The following TTC39A variants were observed in gnomAD, a reference collection of about 807,000 sequenced individuals.
TTC39A encodes tetratricopeptide repeat protein 39A.
In TTC39A, 46 loss-of-function variants were observed where a neutral mutation model predicts 82.3. That is an observed-to-expected ratio of 0.56 (90% CI 0.44 to 0.71). The LOEUF is 0.71. Among genes scored for constraint, TTC39A ranks in the 30% least tolerant of loss-of-function variants. The pLI is 0.00. For synonymous variants in TTC39A, 254 were observed against 275.2 expected, an observed-to-expected ratio of 0.92 and a Z score of 0.76; for missense variants, 543 against 712.9, an observed-to-expected ratio of 0.76 and a Z score of 2.71.
chr1:51,343,672 C>G (rs1038799357), intron 1 of TTC39A, among the ~76,000 whole-genome samples: 1 of 152,216 alleles, frequency 6.6e-6, no homozygotes, highest in African/African-American at 2.4e-5. Context: ...CCTGCAGTGC[C>G]TAGTACAGTG....
At chr1:51,344,203 G>A (rs1557753472) in intron 1 of TTC39A, among the ~76,000 whole-genome samples, 1 of 152,194 alleles carries the variant, frequency 6.6e-6, no homozygotes, top group Non-Finnish European at 1.5e-5. Context: ...CAAGTTTGAG[G>A]TGTTCATAGG....
Position 51,303,199 on chromosome 1 carries a change from GGA to G in TTC39A, c.655-9_655-8del. 2 of 1,526,656 alleles carry G rather than the reference GGA, an allele frequency of 1.3e-6. No homozygotes were observed. The highest frequency in any genetic ancestry group is 1.8e-6 in the Non-Finnish European group (2 of 1,122,606). The allele number at this position is 1,526,656 out of a possible 1,614,324, so 94.6% of individuals were successfully genotyped here. A position where few individuals can be genotyped will look rare whatever the true frequency, so the allele number is the denominator to read the frequency against. On this transcript the variant is annotated splice_region_variant and splice_polypyrimidine_tract_variant and intron_variant, in intron 8 of 17. Transcript: ENST00000680483. ...GCTGCAGCAGCCCATAGTCCTGAGG[GGA>G]TGGGAGGGTGGGTGAGGCTCCCAGA...
At chr1:51,335,041 GC>G (rs1645957850), upstream of TTC39A, 1 of 152,280 alleles carries the variant, frequency 6.6e-6, no homozygotes, top group South Asian at 2.1e-4. Flanking sequence ...TGACAGCTGG[GC>G]CCTGGCGATG....
upstream of TTC39A, chr1:51,330,601 G>A (rs1198603002): frequency 1.1e-5 from 11 of 982,994 alleles, no homozygotes; most frequent in African/African-American, 1.8e-5. This position sits in a 1 kb window ranked among gnomAD's most constrained non-coding sequence, Gnocchi z 4.5. Flanking sequence ...GGCGCGCCGG[G>A]GGCGGGGAAG....
In TTC39A at chr1:51,296,067, T is replaced by C. The variant is rs1172181506; in HGVS notation, c.1145+12A>G. The C allele has an allele frequency of 1.1e-5, 17 of 1,568,688 alleles. No homozygotes were observed. The East Asian group carries it at 3.5e-4, about 33-fold the overall frequency. On this transcript the variant is annotated intron_variant, in intron 13 of 17. Transcript: ENST00000680483. ...AGTGGCCTACACAGTGGGAGCACGATGTGGGACCCACCGAAATAATTCCAC... is the reference window on the plus strand; with the variant it reads ...AGTGGCCTACACAGTGGGAGCACGACGTGGGACCCACCGAAATAATTCCAC...
chr1:51,345,070 CGCGGGCG>C, exon 1 of TTC39A: 1 of 1,345,284 alleles, frequency 7.4e-7, no homozygotes, highest in South Asian at 2.1e-5. Context: ...CGGACGGGGC[CGCGGGCG>C]GCCCCTCGCG....
At position 51,294,271 on chromosome 1, in the gene TTC39A, C is replaced by T; in HGVS notation, c.1266+120G>A. 6.7e-7 allele frequency: 1 copy of T among 1,495,718 alleles called. No individual in the cohort carries two copies. Among genetic ancestry groups the T allele is most frequent in the Non-Finnish European group, 9.0e-7 (1 of 1,112,880 alleles). The allele number at this position is 1,495,718 out of a possible 1,614,324, so 92.7% of individuals were successfully genotyped here. ...ACTCCCAGGTGAATTGTGAAACCCT[C>T]CCCAGGCCCCTGAGGCATGAAGGTC... On this transcript the variant is annotated intron_variant, in intron 14 of 17. Transcript: ENST00000680483. The surrounding 1 kb of genome is among the most constrained non-coding windows in gnomAD (Gnocchi z 4.3).
Position 51,321,543 on chromosome 1 carries a change from C to T in TTC39A, c.146+178G>A, listed in dbSNP as rs115859236. On this transcript the variant is annotated intron_variant, in intron 2 of 17. Transcript: ENST00000680483. This position sits in a 1 kb window ranked among gnomAD's most constrained non-coding sequence, Gnocchi z 4.6. ...CAAGTCACAGTGACCTTGGAGAGGGCCTGGCTGCACACAGGCCGTGGAATG... is the reference window on the plus strand; with the variant it reads ...CAAGTCACAGTGACCTTGGAGAGGGTCTGGCTGCACACAGGCCGTGGAATG... Among the ~76,000 whole-genome samples the T allele has an allele frequency of 9.4e-3, 1,435 of 152,328 alleles. 11 individuals are homozygous for T. The highest frequency in any genetic ancestry group is 0.016 in the Non-Finnish European group (1,122 of 68,022).
At position 51,287,311 on chromosome 1, in the gene TTC39A, G is replaced by GTGAA. The variant is rs1202937394; in HGVS notation, c.*842_*845dup. Reference sequence around the variant, plus strand: ...TGTCAGTAAGCAAATGTACCTTGGAGTGAAGTACAGAAGATTTTTATGTTT... The same window carrying GTGAA: ...TGTCAGTAAGCAAATGTACCTTGGAGTGAATGAAGTACAGAAGATTTTTATGTTT... On this transcript the variant is annotated 3_prime_UTR_variant, in exon 18 of 18. Transcript: ENST00000680483. 6.6e-6 allele frequency: 1 copy of GTGAA among 152,214 alleles called. No homozygotes were observed. Among genetic ancestry groups the GTGAA allele is most frequent in the Non-Finnish European group, 1.5e-5 (1 of 68,038 alleles). The allele number at this position is 152,214 out of a possible 1,614,324, so 9.4% of individuals were successfully genotyped here.
intron 2 of TTC39A, among the ~76,000 whole-genome samples, chr1:51,316,292 G>A (rs1394677663): frequency 6.6e-6 from 1 of 152,098 alleles, no homozygotes; most frequent in East Asian, 1.9e-4. Flanking sequence ...ACACAGAATG[G>A]CTCTGCTTCT....
intron 1 of TTC39A, among the ~76,000 whole-genome samples, chr1:51,340,401 G>C (rs1440602006): frequency 6.6e-6 from 1 of 152,144 alleles, no homozygotes; most frequent in East Asian, 1.9e-4. Context: ...AAACAGCAGG[G>C]GGACTCAGAG....
intron 2 of TTC39A, among the ~76,000 whole-genome samples, chr1:51,313,175 A>G (rs1645150065): frequency 6.6e-6 from 1 of 152,146 alleles, no homozygotes. Flanking sequence ...GATCTACCAG[A>G]TTTGAGCCTC....
rs770626926 is a variant in TTC39A at position 51,288,306 on chromosome 1, CAT to C, written c.1611-28_1611-27del. ...CTGGAATTGAGCAGCGAATCAGACA[CAT>C]GAGGCTGCCTGCTCCCAGAGATGCT... On this transcript the variant is annotated intron_variant, in intron 17 of 17. Coordinates refer to ENST00000680483, the MANE Select transcript of TTC39A (RefSeq NM_001297663.2). This position sits in a 1 kb window ranked among gnomAD's most constrained non-coding sequence, Gnocchi z 4.8. 10 of 1,613,614 alleles carry C rather than the reference CAT, an allele frequency of 6.2e-6. No homozygotes were observed. The Admixed American group carries it at 6.7e-5, about 11-fold the overall frequency.
At chr1:51,340,362 C>A (rs1211623194) in intron 1 of TTC39A, among the ~76,000 whole-genome samples, 1 of 152,138 alleles carries the variant, frequency 6.6e-6, no homozygotes, top group Non-Finnish European at 1.5e-5. Context: ...CATGAGGGAC[C>A]TTTCAGTTTT....
At chr1:51,290,477 C>T (rs777280684) in intron 15 of TTC39A, 37 bp downstream of exon 15, 3 of 1,586,904 alleles carry the variant, frequency 1.9e-6, no homozygotes, top group Non-Finnish European at 1.7e-6. Flanking sequence ...AAAGACCTGA[C>T]CTAGCATGGC....
At chr1:51,338,790 A>C (rs190876152) in intron 1 of TTC39A, among the ~76,000 whole-genome samples, 200 of 151,710 alleles carry the variant, frequency 1.3e-3, no homozygotes, top group African/African-American at 4.7e-3. Flanking sequence ...TTTAGTAGAG[A>C]CAAGGTTTCA....
At chr1:51,327,699 ATTTTT>A in intron 1 of TTC39A, among the ~76,000 whole-genome samples, 1 of 138,548 alleles carries the variant, frequency 7.2e-6, no homozygotes, top group Non-Finnish European at 1.6e-5. Flanking sequence ...ATGTATTGCC[ATTTTT>A]TTTTTTTTTT....
chr1:51,322,098 T>C, intron 1 of TTC39A: 2 of 1,552,042 alleles, frequency 1.3e-6, no homozygotes, highest in Non-Finnish European at 1.7e-6. Context: ...CAAAGAGGCC[T>C]CAGGAATCAA....
At chr1:51,340,697 G>C (rs192479567) in intron 1 of TTC39A, among the ~76,000 whole-genome samples, 17 of 152,274 alleles carry the variant, frequency 1.1e-4, no homozygotes, top group Non-Finnish European at 1.5e-4. Flanking sequence ...ATCATCACTC[G>C]CGCTGGTATA....
Sources: allele counts gnomAD v4.1 joint callset (sites outside exome capture counted in the v4.1 genomes callset), GRCh38; gene constraint gnomAD v4.1.1; non-coding constraint Gnocchi (gnomAD v3.1); transcripts MANE v1.5; gene names NCBI Gene and HGNC (gene_info 2026-07-23, HGNC 2026-07-21).